The following SCHIP1 variants were observed in gnomAD, a reference collection of about 807,000 sequenced individuals.
SCHIP1 encodes schwannomin-interacting protein 1.
SCHIP1 carries 8 observed loss-of-function variants against 29.7 expected under a neutral mutation model. The observed-to-expected ratio is 0.27, with a 90% CI of 0.16 to 0.49. The LOEUF (loss-of-function observed/expected upper bound fraction) is 0.49. SCHIP1 is among the 20% of genes least tolerant of loss of function. The pLI is 0.99. For synonymous variants in SCHIP1, 76 were observed against 94.9 expected (o/e 0.80, Z 1.16); for missense variants, 193 against 294.6 (o/e 0.66, Z 2.52).
the SCHIP1 span, among the ~76,000 whole-genome samples, chr3:159,755,750 A>G: frequency 1.3e-5 from 2 of 152,262 alleles, no homozygotes; most frequent in African/African-American, 4.8e-5. Flanking sequence ...TATTTCCTAA[A>G]TACAATGGGG....
chr3:159,560,753 T>C, the SCHIP1 span, among the ~76,000 whole-genome samples: 1 of 152,034 alleles, frequency 6.6e-6, no homozygotes, highest in Non-Finnish European at 1.5e-5. Context: ...TGCTTAATGA[T>C]TTTTCCTGCT....
the SCHIP1 span, among the ~76,000 whole-genome samples, chr3:159,593,124 A>AAAAGACACT: frequency 6.6e-6 from 1 of 152,174 alleles, no homozygotes; most frequent in Non-Finnish European, 1.5e-5. Context: ...TGATAATTTA[A>AAAAGACACT]AAAGACACTA....
the SCHIP1 span, among the ~76,000 whole-genome samples, chr3:159,524,378 T>C: frequency 6.6e-6 from 1 of 152,204 alleles, no homozygotes; most frequent in African/African-American, 2.4e-5. Context: ...TTTGATGCAT[T>C]CTTATCAAGC....
At chr3:159,695,321 T>G in the SCHIP1 span, among the ~76,000 whole-genome samples, 1 of 152,210 alleles carries the variant, frequency 6.6e-6, no homozygotes. Flanking sequence ...CATTACAGGC[T>G]TTCATCTTAC....
At chr3:159,520,184 G>A in the SCHIP1 span, among the ~76,000 whole-genome samples, 3 of 151,954 alleles carry the variant, frequency 2.0e-5, no homozygotes, top group South Asian at 2.1e-4. Flanking sequence ...ATGCAAAGAC[G>A]GAGGTAGGCA....
chr3:159,493,038 G>A, the SCHIP1 span, among the ~76,000 whole-genome samples: 1 of 152,182 alleles, frequency 6.6e-6, no homozygotes, highest in Non-Finnish European at 1.5e-5. Context: ...ATACTTTACA[G>A]ACAAGCAAAT....
chr3:159,485,188 C>G, the SCHIP1 span, among the ~76,000 whole-genome samples: 1 of 152,128 alleles, frequency 6.6e-6, no homozygotes. Flanking sequence ...CTCAGAATAG[C>G]TTTACTATGT....
the SCHIP1 span, among the ~76,000 whole-genome samples, chr3:159,429,384 A>T: frequency 6.6e-6 from 1 of 152,070 alleles, no homozygotes; most frequent in Non-Finnish European, 1.5e-5. Context: ...AGGTGGGGGT[A>T]AATCTTCCCA....
At chr3:159,296,140 TC>T in the SCHIP1 span, among the ~76,000 whole-genome samples, 14 of 116,876 alleles carry the variant, frequency 1.2e-4, no homozygotes, top group Admixed American at 1.7e-4. Context: ...TGCTTGCTGC[TC>T]TTTTTTTTTT....
At chr3:159,420,859 G>C in the SCHIP1 span, among the ~76,000 whole-genome samples, 2 of 152,114 alleles carry the variant, frequency 1.3e-5, no homozygotes, top group African/African-American at 4.8e-5. Context: ...CTGCTTTGAG[G>C]ATCACATGAG....
the SCHIP1 span, among the ~76,000 whole-genome samples, chr3:159,305,335 T>C: frequency 9.9e-4 from 151 of 152,352 alleles, no homozygotes; most frequent in Non-Finnish European, 1.8e-3. Context: ...CTTCAGCTCT[T>C]GGCTCTTGAA....
the SCHIP1 span, among the ~76,000 whole-genome samples, chr3:159,687,926 G>T: frequency 2.6e-5 from 4 of 152,164 alleles, no homozygotes; most frequent in African/African-American, 4.8e-5. Context: ...CAAAGGACAC[G>T]AACTCATTCT....
the SCHIP1 span, among the ~76,000 whole-genome samples, chr3:159,449,872 A>G: frequency 1.3e-5 from 2 of 152,044 alleles, no homozygotes; most frequent in Non-Finnish European, 2.9e-5. Flanking sequence ...TGAAGCATGA[A>G]GGAAGAAAGA....
the SCHIP1 span, among the ~76,000 whole-genome samples, chr3:159,786,358 A>G: frequency 6.6e-6 from 1 of 152,236 alleles, no homozygotes. Context: ...GGACATCAAC[A>G]TTGCTATCTT....
chr3:159,385,472 G>A, the SCHIP1 span, among the ~76,000 whole-genome samples: 77 of 151,734 alleles, frequency 5.1e-4, no homozygotes, highest in Middle Eastern at 3.4e-3. Flanking sequence ...TATGAGAATT[G>A]CTTGAACCTG....
At chr3:159,325,282 T>C in the SCHIP1 span, among the ~76,000 whole-genome samples, 1 of 152,164 alleles carries the variant, frequency 6.6e-6, no homozygotes, top group Non-Finnish European at 1.5e-5. Flanking sequence ...AGATTTTCTT[T>C]CCAGAAAAAT....
the SCHIP1 span, among the ~76,000 whole-genome samples, chr3:159,318,066 G>A: frequency 1.3e-5 from 2 of 152,118 alleles, no homozygotes; most frequent in African/African-American, 4.8e-5. Context: ...CCATGCTGCT[G>A]AGCCCATGTG....
At chr3:159,348,265 T>C in the SCHIP1 span, among the ~76,000 whole-genome samples, 7 of 152,132 alleles carry the variant, frequency 4.6e-5, no homozygotes, top group Non-Finnish European at 8.8e-5. Context: ...TTATCAATGA[T>C]GGAAATTAGG....
At chr3:159,317,934 A>C in the SCHIP1 span, among the ~76,000 whole-genome samples, 1 of 152,174 alleles carries the variant, frequency 6.6e-6, no homozygotes, top group African/African-American at 2.4e-5. Flanking sequence ...GCCTGCCACC[A>C]GGTAGCTGGC....
Sources: allele counts gnomAD v4.1 joint callset (sites outside exome capture counted in the v4.1 genomes callset), GRCh38; gene constraint gnomAD v4.1.1; transcripts MANE v1.5; gene names NCBI Gene and HGNC (gene_info 2026-07-23, HGNC 2026-07-21).